METTL15: variants seen among roughly 807,000 people sequenced by gnomAD.
METTL15 encodes the protein methyltransferase 15, mitochondrial 12S rRNA N4-cytidine, also known as 12S rRNA N(4)-cytidine methyltransferase METTL15.
Under a neutral mutation model 38.3 loss-of-function variants are expected in METTL15, and 34 were observed. The observed-to-expected ratio is 0.89, with a 90% confidence interval of 0.68 to 1.18. METTL15 has a LOEUF of 1.18. METTL15 is among the 50% of genes most tolerant of loss of function. METTL15 has a pLI of 0.00. For synonymous variants in METTL15, 162 were observed against 170.9 expected (o/e 0.95, Z 0.41); for missense variants, 438 against 498.4 (o/e 0.88, Z 1.15).
At chr11:28,482,832 C>T (rs1287659644) in intron 6 of METTL15, among the ~76,000 whole-genome samples, 2 of 152,160 alleles carry the variant, frequency 1.3e-5, no homozygotes, top group African/African-American at 4.8e-5. Context: ...TTTGTGGGCA[C>T]ACCAAACTTC....
intron 3 of METTL15, among the ~76,000 whole-genome samples, chr11:28,176,304 C>T (rs1851072884): frequency 6.6e-6 from 1 of 152,012 alleles, no homozygotes; most frequent in Non-Finnish European, 1.5e-5. Flanking sequence ...TCTTTTCTTA[C>T]AGAATTACAA....
intron 6 of METTL15, among the ~76,000 whole-genome samples, chr11:28,465,136 G>A (rs1188751199): frequency 6.6e-6 from 1 of 152,106 alleles, no homozygotes; most frequent in Non-Finnish European, 1.5e-5. Context: ...ATGAGAAGTC[G>A]CCTATTTGCT....
chr11:28,383,869 A>G (rs1370816404), intron 5 of METTL15, among the ~76,000 whole-genome samples: 2 of 151,454 alleles, frequency 1.3e-5, no homozygotes, highest in African/African-American at 4.9e-5. Flanking sequence ...AGATAGGTAA[A>G]CTCATGTCAT....
intron 3 of METTL15, among the ~76,000 whole-genome samples, chr11:28,173,121 GT>G (rs746900474): frequency 1.3e-5 from 2 of 151,900 alleles, no homozygotes; most frequent in Admixed American, 6.6e-5. Flanking sequence ...TATAGATTTT[GT>G]TTTTTTGAAC....
chr11:28,272,618 G>A (rs1442165360), intron 4 of METTL15, among the ~76,000 whole-genome samples: 4 of 152,142 alleles, frequency 2.6e-5, no homozygotes, highest in Non-Finnish European at 5.9e-5. Context: ...GCCTAATGTA[G>A]ATGACTGGTT....
At position 28,444,807 on chromosome 11, in the gene METTL15, C is replaced by T. The variant is rs552160449; in HGVS notation, c.*424+20443C>T. ...CCTAGGTTTACATTCTCACCGTAGCCTACACGGAAATAAACTGTAAGCAAG... is the reference window on the plus strand; with the variant it reads ...CCTAGGTTTACATTCTCACCGTAGCTTACACGGAAATAAACTGTAAGCAAG... On this transcript the variant is annotated intron_variant and NMD_transcript_variant, in intron 6 of 7. Transcript: ENST00000532947. 3.3e-5 allele frequency among the ~76,000 whole-genome samples: 5 copies of T among 152,274 alleles called. No individual in the cohort carries two copies. The South Asian group carries it at 1.0e-3, about 32-fold the overall frequency.
intron 6 of METTL15, among the ~76,000 whole-genome samples, chr11:28,434,574 A>G (rs1564930727): frequency 6.6e-6 from 1 of 152,250 alleles, no homozygotes; most frequent in Admixed American, 6.5e-5. Context: ...ATGAGGGAAT[A>G]TCCTTCAAAT....
chr11:28,315,427 T>C lies in METTL15; in HGVS notation c.779-14969T>C, dbSNP rs185575984. On this transcript the variant is annotated intron_variant, in intron 6 of 6. Coordinates refer to ENST00000407364, the MANE Select transcript of METTL15 (RefSeq NM_001113528.2). ...TAGCGTACCTGGGGGAAGAAATTTC[T>C]AAGCAGCAAAGCATTCAAGAGGTGG... is the stretch of plus-strand genomic sequence containing the variant. 8.2e-3 allele frequency among the ~76,000 whole-genome samples: 1,245 copies of C among 152,328 alleles called. 10 individuals carry two copies. Among genetic ancestry groups the C allele is most frequent in the South Asian group, 0.015 (72 of 4,828 alleles).
intron 4 of METTL15, among the ~76,000 whole-genome samples, chr11:28,219,306 G>C (rs1011223801): frequency 6.6e-6 from 1 of 152,102 alleles, no homozygotes; most frequent in Non-Finnish European, 1.5e-5. Context: ...GTGTGATGAG[G>C]AATTTATCCA....
intron 5 of METTL15, among the ~76,000 whole-genome samples, chr11:28,399,636 T>A (rs1233128586): frequency 6.9e-6 from 1 of 145,880 alleles, no homozygotes; most frequent in African/African-American, 2.4e-5. Flanking sequence ...ACATAAGTGG[T>A]TGATACACAT....
intron 5 of METTL15, among the ~76,000 whole-genome samples, chr11:28,376,487 C>T (rs7129135): frequency 0.41 from 61,486 of 151,730 alleles, 14,266 homozygotes; most frequent in Admixed American, 0.52. Flanking sequence ...AGGATTGCAA[C>T]CCCTGCCTTT....
At chr11:28,474,332 CCTT>C (rs1851327393) in intron 6 of METTL15, among the ~76,000 whole-genome samples, 1 of 151,968 alleles carries the variant, frequency 6.6e-6, no homozygotes, top group Admixed American at 6.6e-5. Context: ...GTTTAATTCT[CCTT>C]TCTTTAATCC....
At chr11:28,407,808 A>G (rs562865619) in intron 5 of METTL15, among the ~76,000 whole-genome samples, 1 of 152,354 alleles carries the variant, frequency 6.6e-6, no homozygotes. Context: ...ATTACTGGAT[A>G]TATATCCAAA....
chr11:28,361,003 G>C (rs1038341965), intron 4 of METTL15, among the ~76,000 whole-genome samples: 3 of 151,988 alleles, frequency 2.0e-5, no homozygotes, highest in African/African-American at 7.3e-5. Flanking sequence ...ATTTTTTTAT[G>C]ACTGCATAGT....
intron 6 of METTL15, among the ~76,000 whole-genome samples, chr11:28,455,988 G>C (rs1851165112): frequency 6.6e-6 from 1 of 152,134 alleles, no homozygotes; most frequent in Non-Finnish European, 1.5e-5. Context: ...TTACAGGCAT[G>C]AGCCACCGCG....
intron 6 of METTL15, among the ~76,000 whole-genome samples, chr11:28,512,179 A>T (rs1851680357): frequency 6.6e-6 from 1 of 152,176 alleles, no homozygotes; most frequent in Admixed American, 6.5e-5. Flanking sequence ...GAGTAGCTAG[A>T]TACAGAGTGT....
chr11:28,525,242 G>C (rs569792567), intron 6 of METTL15, among the ~76,000 whole-genome samples: 70 of 152,316 alleles, frequency 4.6e-4, no homozygotes, highest in Non-Finnish European at 8.5e-4. Flanking sequence ...CGCGCAGCCT[G>C]CTTTTATTCT....
intron 6 of METTL15, among the ~76,000 whole-genome samples, chr11:28,464,678 G>T (rs543492314): frequency 6.6e-6 from 1 of 152,138 alleles, no homozygotes; most frequent in Non-Finnish European, 1.5e-5. Context: ...AAATGCTGTC[G>T]TATGCCTGTG....
At chr11:28,426,066 A>T (rs1850861340) in intron 6 of METTL15, among the ~76,000 whole-genome samples, 1 of 152,146 alleles carries the variant, frequency 6.6e-6, no homozygotes, top group African/African-American at 2.4e-5. Context: ...TCAGCCCAAC[A>T]TTAGCTATTC....
Sources: allele counts gnomAD v4.1 joint callset (sites outside exome capture counted in the v4.1 genomes callset), GRCh38; gene constraint gnomAD v4.1.1; transcripts MANE v1.5; gene names NCBI Gene and HGNC (gene_info 2026-07-23, HGNC 2026-07-21).